Variants in NTNG1 observed in about 807,000 individuals in gnomAD.
The protein encoded by NTNG1 is netrin-G1.
In NTNG1, 16 loss-of-function variants were observed where a neutral mutation model predicts 54.0. The observed-to-expected ratio is 0.30, with a 90% CI of 0.20 to 0.45. The LOEUF (loss-of-function observed/expected upper bound fraction) is 0.45. NTNG1 is among the 20% of genes least tolerant of loss of function. NTNG1 has a pLI of 1.00. For missense variants in NTNG1, 530 were observed against 678.7 expected (o/e 0.78, Z 2.43); for synonymous variants, 255 against 263.1 (o/e 0.97, Z 0.30).
chr1:107,412,463 T>C (rs555066416), intron 5 of NTNG1, among the ~76,000 whole-genome samples: 2 of 152,332 alleles, frequency 1.3e-5, no homozygotes, highest in East Asian at 1.9e-4. Flanking sequence ...AATGCCTATC[T>C]GGCTGCAAAG....
chr1:107,367,275 A>G (rs1670655657), intron 3 of NTNG1, among the ~76,000 whole-genome samples: 1 of 151,596 alleles, frequency 6.6e-6, no homozygotes, highest in African/African-American at 2.4e-5. Context: ...CCTGAAATTG[A>G]TTTTTTTTTA....
chr1:107,407,382 T>C (rs1673496399), intron 4 of NTNG1, among the ~76,000 whole-genome samples: 1 of 152,064 alleles, frequency 6.6e-6, no homozygotes, highest in Non-Finnish European at 1.5e-5. Flanking sequence ...ACACAAAATG[T>C]TGGATGTCAA....
Position 107,315,877 on chromosome 1 carries a change from T to G in NTNG1, c.247-8405T>G, listed in dbSNP as rs539348231. Among the ~76,000 whole-genome samples the G allele has an allele frequency of 4.6e-5, 7 of 152,312 alleles. No individual in the cohort carries two copies. The East Asian group carries it at 1.4e-3, about 29-fold the overall frequency. ...GTGTCTGTCATATCCAATAACTATT[T>G]ATTGAATGAATGAATCAGTGAGTAA... On this transcript the variant is annotated intron_variant, in intron 2 of 7. Transcript: ENST00000370068.
intron 2 of NTNG1, among the ~76,000 whole-genome samples, chr1:107,222,084 C>T (rs1168725762): frequency 6.6e-6 from 1 of 151,726 alleles, no homozygotes; most frequent in East Asian, 2.0e-4. Context: ...TTCTCTTCAC[C>T]ACTTGGCCAA....
intron 2 of NTNG1, among the ~76,000 whole-genome samples, chr1:107,313,909 ATTTG>A (rs1362104458): frequency 2.6e-5 from 4 of 152,198 alleles, no homozygotes; most frequent in East Asian, 1.9e-4. Flanking sequence ...TTGATATACC[ATTTG>A]TTTATCTTTT....
chr1:107,483,668 G>T lies in NTNG1; in HGVS notation c.*2828G>T, dbSNP rs770640499. 6.7e-6 allele frequency among the ~76,000 whole-genome samples: 1 copy of T among 149,182 alleles called. No individual in the cohort carries two copies. Among genetic ancestry groups the T allele is most frequent in the Non-Finnish European group, 1.5e-5 (1 of 67,184 alleles). ...GTACTCAGTTGTTCATATATTTGAG[G>T]TCCTAATTCTTGGTATTTTTTCCCT... is the stretch of plus-strand genomic sequence containing the variant. On this transcript the variant is annotated 3_prime_UTR_variant, in exon 8 of 8. Coordinates refer to ENST00000370068, the MANE Select transcript of NTNG1 (RefSeq NM_001113226.3).
chr1:107,148,891 A>G (rs756886223), intron 2 of NTNG1, 52 bp downstream of exon 2: 2 of 1,543,212 alleles, frequency 1.3e-6, no homozygotes, highest in Non-Finnish European at 1.8e-6. Flanking sequence ...GTCTAATCGC[A>G]TATGCATACA....
At chr1:107,153,225 A>G (rs994807698) in intron 2 of NTNG1, among the ~76,000 whole-genome samples, 1 of 152,210 alleles carries the variant, frequency 6.6e-6, no homozygotes, top group Non-Finnish European at 1.5e-5. Flanking sequence ...AGGGCTATCT[A>G]TAATTTCAAG....
intron 2 of NTNG1, among the ~76,000 whole-genome samples, chr1:107,205,454 A>T (rs1315710207): frequency 6.6e-6 from 1 of 152,182 alleles, no homozygotes; most frequent in African/African-American, 2.4e-5. Flanking sequence ...GCCAGAAATT[A>T]GTTATGGCTT....
intron 2 of NTNG1, among the ~76,000 whole-genome samples, chr1:107,241,961 A>G (rs1661861328): frequency 6.6e-6 from 1 of 152,318 alleles, no homozygotes; most frequent in East Asian, 1.9e-4. Context: ...GAAATGTATC[A>G]TACATATATT....
chr1:107,421,177 G>A (rs1373978103), intron 5 of NTNG1: 2 of 1,434,452 alleles, frequency 1.4e-6, no homozygotes, highest in Admixed American at 3.4e-5. Flanking sequence ...GTGATTTCAT[G>A]GTGTTATGTG....
At chr1:107,437,773 G>T (rs563552863) in intron 7 of NTNG1, among the ~76,000 whole-genome samples, 1 of 151,874 alleles carries the variant, frequency 6.6e-6, no homozygotes, top group African/African-American at 2.4e-5. Context: ...AATTATTAAG[G>T]CTATATTTTT....
At position 107,324,779 on chromosome 1, in the gene NTNG1, T is replaced by A. The variant is rs1398701883; in HGVS notation, c.744T>A (p.Asp248Glu). The A allele has an allele frequency of 6.2e-7, 1 of 1,613,608 alleles. No homozygotes were observed. Among genetic ancestry groups the A allele is most frequent in the South Asian group, 1.1e-5 (1 of 91,072 alleles). ...RNMASLYGQL[D>E]TTKKLRDFFT... ...TGGCTTCCCTCTACGGACAGCTGGA[T>A]ACAACCAAGAAACTCAGAGATTTCT... Residue 248 changes from aspartate to glutamate, a missense_variant, in exon 3 of 8, where the codon GAT (aspartate) becomes GAA (glutamate). Physicochemically the swap from Asp to Glu is conservative, Grantham distance 45. Transcript: ENST00000370068.
chr1:107,476,312 C>A (rs866165663), intron 7 of NTNG1, among the ~76,000 whole-genome samples: 14 of 152,112 alleles, frequency 9.2e-5, no homozygotes, highest in African/African-American at 3.4e-4. Flanking sequence ...GGTCTATATT[C>A]TTCTAGGATG....
At chr1:107,255,103 A>G (rs1276103106) in intron 2 of NTNG1, among the ~76,000 whole-genome samples, 1 of 152,216 alleles carries the variant, frequency 6.6e-6, no homozygotes, top group Admixed American at 6.5e-5. Context: ...ATTATAACTA[A>G]TATGCATCCC....
At chr1:107,214,586 G>A (rs1415916487) in intron 2 of NTNG1, among the ~76,000 whole-genome samples, 1 of 152,124 alleles carries the variant, frequency 6.6e-6, no homozygotes, top group Non-Finnish European at 1.5e-5. Flanking sequence ...AAATATGCAC[G>A]TGCAAGTATC....
chr1:107,304,436 C>A (rs780448987), intron 2 of NTNG1, among the ~76,000 whole-genome samples: 22 of 152,132 alleles, frequency 1.4e-4, no homozygotes, highest in Admixed American at 3.3e-4. Flanking sequence ...TGAATTCTTC[C>A]TTTCTATAGA....
chr1:107,250,253 A>G (rs948374809), intron 2 of NTNG1, among the ~76,000 whole-genome samples: 1 of 152,260 alleles, frequency 6.6e-6, no homozygotes, highest in African/African-American at 2.4e-5. Context: ...TCTGGTAAAA[A>G]TACAAAGAAC....
At chr1:107,314,397 CAATA>C (rs149611674) in intron 2 of NTNG1, among the ~76,000 whole-genome samples, 200 of 150,836 alleles carry the variant, frequency 1.3e-3, no homozygotes, top group African/African-American at 4.8e-3. Flanking sequence ...GAATCCGTCT[CAATA>C]AATAAATAAA....
Sources: gnomAD v4.1 joint callset for allele counts (sites outside exome capture counted in the v4.1 genomes callset) on GRCh38, gnomAD v4.1.1 for gene constraint, MANE v1.5 for transcripts, NCBI Gene and HGNC (gene_info 2026-07-23, HGNC 2026-07-21) for gene names.